Variants in PCDHA8 observed in about 807,000 individuals in gnomAD.
PCDHA8 encodes protocadherin alpha 8, also known as protocadherin alpha-8.
Under a neutral mutation model 61.8 loss-of-function variants are expected in PCDHA8, and 53 were observed. The observed-to-expected ratio is 0.86, with a 90% CI of 0.69 to 1.08. The LOEUF is 1.08. Among genes scored for constraint, PCDHA8 ranks in the 50% least tolerant of loss-of-function variants. The pLI, the probability that PCDHA8 is intolerant of heterozygous loss-of-function variation, is 0.00. For missense variants in PCDHA8, 1,293 were observed against 1,245.0 expected, an observed-to-expected ratio of 1.04 and a Z score of -0.58; for synonymous variants, 618 against 556.6, an observed-to-expected ratio of 1.11 and a Z score of -1.55.
chr5:140,887,224 G>A (rs1554182948), intron 1 of PCDHA8, among the ~76,000 whole-genome samples: 1 of 151,812 alleles, frequency 6.6e-6, no homozygotes, highest in Non-Finnish European at 1.5e-5. Context: ...AGCCTCCCGA[G>A]TAGCTGAGAC....
chr5:140,952,334 A>G (rs1585456390), intron 1 of PCDHA8, among the ~76,000 whole-genome samples: 1 of 103,312 alleles, frequency 9.7e-6, no homozygotes, highest in East Asian at 2.9e-4. Context: ...GTGAAACTCC[A>G]TCTCAAAAAA....
At position 140,846,335 on chromosome 5, in the gene PCDHA8, T is replaced by C. The variant is rs2150387066; in HGVS notation, c.2394+2620T>C. On this transcript the variant is annotated intron_variant, in intron 1 of 3. Transcript: ENST00000531613. The stretch of plus-strand genomic sequence containing the variant: ...ATGTAGAGTGTTGTAAATAGCCTTT[T>C]AAAGTGCTTTCTCTTTTTTCTTTTC... Among the ~76,000 whole-genome samples, 8 of 148,836 alleles carry C rather than the reference T, an allele frequency of 5.4e-5. 1 individual carries two copies. Among genetic ancestry groups the C allele is most frequent in the African/African-American group, 2.0e-4 (8 of 40,850 alleles).
At position 140,857,115 on chromosome 5, in the gene PCDHA8, T is replaced by C. The variant is rs782131761; in HGVS notation, c.2394+13400T>C. On this transcript the variant is annotated intron_variant, in intron 1 of 3. Coordinates refer to ENST00000531613, the MANE Select transcript of PCDHA8 (RefSeq NM_018911.3). ...GAGGTGATTGTCACTTCTCTGTCTC[T>C]CCCAGTGAAAGAAGATGCTCAAGTG... 20 of 1,597,830 alleles carry C rather than the reference T, an allele frequency of 1.3e-5. 2 individuals carry two copies. In the East Asian group the frequency reaches 3.8e-4, roughly 30 times the overall value.
chr5:140,955,839 A>G (rs527318905), intron 1 of PCDHA8, among the ~76,000 whole-genome samples: 8 of 152,162 alleles, frequency 5.3e-5, no homozygotes, highest in African/African-American at 1.9e-4. Flanking sequence ...GTGGTTTGTC[A>G]TTCTCCTTGA....
At position 140,849,867 on chromosome 5, in the gene PCDHA8, T is replaced by C. The variant is rs2150454998; in HGVS notation, c.2394+6152T>C. On this transcript the variant is annotated intron_variant, in intron 1 of 3. Coordinates refer to ENST00000531613, the MANE Select transcript of PCDHA8 (RefSeq NM_018911.3). ...CGACAACGCACCAGCGTTCGCGCAG[T>C]CCGAGTACACGGTGTTCGTGAAGGA... The C allele has an allele frequency of 6.1e-5, 97 of 1,598,416 alleles. 5 individuals carry two copies. Among genetic ancestry groups the C allele is most frequent in the Non-Finnish European group, 6.9e-5 (81 of 1,167,974 alleles).
chr5:140,890,499 TTA>T (rs1320014650), intron 1 of PCDHA8, among the ~76,000 whole-genome samples: 1 of 152,222 alleles, frequency 6.6e-6, no homozygotes, highest in Non-Finnish European at 1.5e-5. Flanking sequence ...CTCACCATTT[TTA>T]TGTCTCTATT....
At chr5:140,883,528 C>T in intron 1 of PCDHA8, 1 of 1,614,248 alleles carries the variant, frequency 6.2e-7, no homozygotes, top group South Asian at 1.1e-5. Flanking sequence ...GCGTATCAGC[C>T]TATGAACTGG....
At chr5:140,906,248 T>C (rs143429198) in intron 1 of PCDHA8, among the ~76,000 whole-genome samples, 45 of 152,272 alleles carry the variant, frequency 3.0e-4, no homozygotes, top group African/African-American at 1.1e-3. Context: ...CTTGAACCCA[T>C]ACACACCTCC....
At chr5:140,986,355 T>G (rs1381730343) in intron 3 of PCDHA8, among the ~76,000 whole-genome samples, 6 of 152,154 alleles carry the variant, frequency 3.9e-5, no homozygotes, top group African/African-American at 1.4e-4. Context: ...CTTCTTCAGA[T>G]GGAGGAATGC....
chr5:140,868,989 C>A (rs1280457697), intron 1 of PCDHA8: 91 of 1,506,736 alleles, frequency 6.0e-5, no homozygotes, highest in Non-Finnish European at 7.5e-5. Context: ...CGGATGCCAC[C>A]GTTTAAGGAT....
intron 1 of PCDHA8, chr5:140,850,352 C>A: frequency 6.3e-7 from 1 of 1,597,824 alleles, no homozygotes; most frequent in Non-Finnish European, 8.6e-7. Context: ...CCAGCGCGAG[C>A]ATCCCGTTCC....
intron 3 of PCDHA8, among the ~76,000 whole-genome samples, chr5:140,998,021 C>T (rs2097794085): frequency 6.6e-6 from 1 of 152,152 alleles, no homozygotes; most frequent in Non-Finnish European, 1.5e-5. Context: ...CCACCTCGAG[C>T]TAGTGCTATA....
At chr5:141,004,258 A>C (rs1164603441) in intron 3 of PCDHA8, among the ~76,000 whole-genome samples, 1 of 152,232 alleles carries the variant, frequency 6.6e-6, no homozygotes, top group Non-Finnish European at 1.5e-5. Flanking sequence ...TTTTACTGGA[A>C]TGAGTCACAG....
At chr5:140,875,723 T>G in intron 1 of PCDHA8, 1 of 1,614,194 alleles carries the variant, frequency 6.2e-7, no homozygotes, top group South Asian at 1.1e-5. Context: ...AATGGCATTT[T>G]GTTTGTGAAT....
At chr5:140,909,972 T>C (rs948733470) in intron 1 of PCDHA8, among the ~76,000 whole-genome samples, 1 of 152,220 alleles carries the variant, frequency 6.6e-6, no homozygotes. Context: ...TGGGGAAGGA[T>C]GGGAGAAAGA....
intron 3 of PCDHA8, among the ~76,000 whole-genome samples, chr5:141,005,035 GT>G (rs1272983494): frequency 6.6e-6 from 1 of 152,194 alleles, no homozygotes; most frequent in African/African-American, 2.4e-5. Context: ...TTGCCCATAT[GT>G]GATACCATTT....
At chr5:140,939,603 CAG>C (rs2092419919) in intron 1 of PCDHA8, among the ~76,000 whole-genome samples, 2 of 152,068 alleles carry the variant, frequency 1.3e-5, no homozygotes, top group Non-Finnish European at 2.9e-5. Flanking sequence ...TGCTCAAAAA[CAG>C]AACAAGGAGA....
intron 1 of PCDHA8, chr5:140,875,168 G>A (rs1554167513): frequency 5.5e-6 from 2 of 364,784 alleles, no homozygotes; most frequent in African/African-American, 4.2e-5. Flanking sequence ...ACCCAAAGTC[G>A]AAACATTAGA....
chr5:140,922,939 T>C (rs1206981483), intron 1 of PCDHA8, among the ~76,000 whole-genome samples: 1 of 152,172 alleles, frequency 6.6e-6, no homozygotes, highest in Non-Finnish European at 1.5e-5. Flanking sequence ...CTTCCAGCAA[T>C]GGAAATCCAG....
Sources: gnomAD v4.1 joint callset for allele counts (sites outside exome capture counted in the v4.1 genomes callset) on GRCh38, gnomAD v4.1.1 for gene constraint, MANE v1.5 for transcripts, NCBI Gene and HGNC (gene_info 2026-07-23, HGNC 2026-07-21) for gene names.